The following UNC5D variants were observed in gnomAD, a reference collection of about 807,000 sequenced individuals.
UNC5D encodes unc-5 netrin receptor D.
Under a neutral mutation model 105.4 loss-of-function variants are expected in UNC5D, and 39 were observed. The ratio of observed to expected loss-of-function variants is 0.37; its 90% CI spans 0.29 to 0.48. The LOEUF (loss-of-function observed/expected upper bound fraction) is 0.48. UNC5D is among the 20% of genes least tolerant of loss of function. The probability of loss-of-function intolerance (pLI) is 0.98; values close to 1 mark genes in which losing one functional copy is unlikely to be tolerated. For synonymous variants in UNC5D, 452 were observed against 450.4 expected (o/e 1.00, Z -0.04); for missense variants, 991 against 1,202.4 (o/e 0.82, Z 2.60).
At chr8:35,503,297 G>A (rs762783094) in intron 1 of UNC5D, among the ~76,000 whole-genome samples, 13 of 152,152 alleles carry the variant, frequency 8.5e-5, no homozygotes, top group Non-Finnish European at 1.5e-4. Flanking sequence ...AGGTTTAATG[G>A]ATTCACAGTT....
At chr8:35,435,847 G>A (rs1563415806) in intron 1 of UNC5D, among the ~76,000 whole-genome samples, 1 of 151,882 alleles carries the variant, frequency 6.6e-6, no homozygotes, top group Non-Finnish European at 1.5e-5. Flanking sequence ...TTTGAATTCT[G>A]GTCATTTTCT....
intron 4 of UNC5D, among the ~76,000 whole-genome samples, chr8:35,605,437 G>A (rs763309498): frequency 2.6e-5 from 4 of 152,206 alleles, no homozygotes; most frequent in Non-Finnish European, 4.4e-5. Flanking sequence ...GGCCGTATGA[G>A]GTGTCAGTCC....
chr8:35,298,586 G>GTTTT lies in UNC5D; in HGVS notation c.103+62717_103+62720dup, dbSNP rs35299004. Among the ~76,000 whole-genome samples, 77 of 110,498 alleles carry GTTTT rather than the reference G, an allele frequency of 7.0e-4. 1 individual carries two copies. The highest frequency in any genetic ancestry group is 1.3e-3 in the African/African-American group (39 of 29,228). The allele number at this position is 110,498 out of a possible 152,430, so 72.5% of individuals were successfully genotyped here. A position where few individuals can be genotyped will look rare whatever the true frequency, so the allele number is the denominator to read the frequency against. On this transcript the variant is annotated intron_variant, in intron 1 of 16. Transcript: ENST00000404895. ...CTTTTAATATTTTTGATTGTTGTAG[G>GTTTT]TTTTTTTTTTTTTTTTTTTTTGGAT...
intron 1 of UNC5D, among the ~76,000 whole-genome samples, chr8:35,441,868 C>A (rs1333925834): frequency 6.6e-6 from 1 of 151,518 alleles, no homozygotes; most frequent in Non-Finnish European, 1.5e-5. Flanking sequence ...GCGGGACAAC[C>A]AACAAGAAGC....
At chr8:35,445,983 T>G (rs1020303069) in intron 1 of UNC5D, among the ~76,000 whole-genome samples, 3 of 152,038 alleles carry the variant, frequency 2.0e-5, no homozygotes, top group African/African-American at 7.2e-5. Context: ...TGTGAAAACC[T>G]TTTTAGGCAT....
At position 35,551,310 on chromosome 8, in the gene UNC5D, G is replaced by C. The variant is rs186183149; in HGVS notation, c.322+1800G>C. On this transcript the variant is annotated intron_variant, in intron 2 of 16. Transcript: ENST00000404895. ...CATAGTTTTGATAAGCTAAATTTGA[G>C]GTGCTTATGGTATATAATGAAGAGA... Among the ~76,000 whole-genome samples the C allele has an allele frequency of 4.4e-3, 673 of 152,248 alleles. 3 individuals are homozygous for C. Among genetic ancestry groups the C allele is most frequent in the Non-Finnish European group, 6.6e-3 (450 of 68,014 alleles).
intron 1 of UNC5D, among the ~76,000 whole-genome samples, chr8:35,292,105 A>G (rs975756642): frequency 1.3e-5 from 2 of 152,236 alleles, no homozygotes; most frequent in African/African-American, 4.8e-5. Context: ...TGGAAAGTCA[A>G]AATAGCTAGA....
At position 35,748,616 on chromosome 8, in the gene UNC5D, C is replaced by T; in HGVS notation, c.1856C>T (p.Thr619Ile). Residue 619 changes from threonine (T) to isoleucine (I), a missense_variant, in exon 12 of 17, where the codon ACC (threonine) becomes ATC (isoleucine). Around this residue, in one of 3 missense-constraint regions of UNC5D, gnomAD observed 944 missense variants for 1,131.6 expected, o/e 0.83. Coordinates refer to ENST00000404895, the MANE Select transcript of UNC5D (RefSeq NM_080872.4). The part of the protein sequence containing the change: ...DMIVTTPFAL[T>I]IPHCADVSSE... ...ATCGTCACCACTCCCTTTGCATTGA[C>T]CATCCCGCACTGTGCAGATGTCAGT... 1 of 1,614,070 alleles carries T rather than the reference C, an allele frequency of 6.2e-7. No individual in the cohort carries two copies. The highest frequency in any genetic ancestry group is 8.5e-7 in the Non-Finnish European group (1 of 1,179,952).
At chr8:35,458,992 GT>G (rs1182101512) in intron 1 of UNC5D, among the ~76,000 whole-genome samples, 1 of 152,132 alleles carries the variant, frequency 6.6e-6, no homozygotes, top group Non-Finnish European at 1.5e-5. Flanking sequence ...TCTCCTCTCT[GT>G]TTTTTGTGCC....
chr8:35,626,469 C>G (rs1312504994), intron 4 of UNC5D, among the ~76,000 whole-genome samples: 2 of 152,118 alleles, frequency 1.3e-5, no homozygotes, highest in Non-Finnish European at 2.9e-5. Context: ...GCTTGGTAAA[C>G]CATGGAAACC....
At chr8:35,515,261 A>G (rs1158723637) in intron 1 of UNC5D, among the ~76,000 whole-genome samples, 1 of 152,236 alleles carries the variant, frequency 6.6e-6, no homozygotes, top group Admixed American at 6.5e-5. Flanking sequence ...CAAAAACAGC[A>G]TTAGTGCATG....
At chr8:35,425,041 G>T (rs937210171) in intron 1 of UNC5D, among the ~76,000 whole-genome samples, 1 of 152,128 alleles carries the variant, frequency 6.6e-6, no homozygotes, top group African/African-American at 2.4e-5. Context: ...CACGTGGGGT[G>T]GGGGAAGGGG....
At chr8:35,588,634 T>C (rs1203487595) in intron 3 of UNC5D, among the ~76,000 whole-genome samples, 3 of 152,208 alleles carry the variant, frequency 2.0e-5, no homozygotes, top group African/African-American at 7.2e-5. Flanking sequence ...GGGCAGTCTG[T>C]GTCATGTTCA....
chr8:35,381,632 A>G (rs991493857), intron 1 of UNC5D, among the ~76,000 whole-genome samples: 1 of 151,950 alleles, frequency 6.6e-6, no homozygotes, highest in African/African-American at 2.4e-5. Context: ...GTGTCATTAG[A>G]ATGCTTAATC....
chr8:35,719,624 A>C (rs976976260), intron 8 of UNC5D, among the ~76,000 whole-genome samples: 2 of 152,214 alleles, frequency 1.3e-5, no homozygotes, highest in African/African-American at 4.8e-5. Context: ...ATGACTGAGA[A>C]TAGGAGCCAC....
chr8:35,288,580 C>T (rs376924390), intron 1 of UNC5D, among the ~76,000 whole-genome samples: 18 of 151,986 alleles, frequency 1.2e-4, no homozygotes, highest in African/African-American at 2.4e-4. Context: ...AATACTGTAA[C>T]GGTGGTATAT....
chr8:35,312,434 T>C (rs1182012507), intron 1 of UNC5D, among the ~76,000 whole-genome samples: 1 of 152,186 alleles, frequency 6.6e-6, no homozygotes, highest in Admixed American at 6.5e-5. Context: ...TAAAGTTTAA[T>C]GCTCTGTGTA....
intron 1 of UNC5D, among the ~76,000 whole-genome samples, chr8:35,443,575 C>G (rs1031109875): frequency 1.3e-5 from 2 of 151,850 alleles, no homozygotes; most frequent in South Asian, 2.1e-4. Context: ...CAATGGGAAT[C>G]TGCGGAATAT....
At chr8:35,788,183 C>CTG (rs144295080) in intron 16 of UNC5D, among the ~76,000 whole-genome samples, 3,809 of 148,422 alleles carry the variant, frequency 0.026, 137 homozygotes, top group African/African-American at 0.074. Flanking sequence ...CTCAGAATTG[C>CTG]TGTGTGTGTG....
Sources: gnomAD v4.1 joint callset for allele counts (sites outside exome capture counted in the v4.1 genomes callset) on GRCh38, gnomAD v4.1.1 for gene constraint, gnomAD v4.1.1 regional missense constraint, MANE v1.5 for transcripts, NCBI Gene and HGNC (gene_info 2026-07-23, HGNC 2026-07-21) for gene names.